Variants in MAPRE2 observed in about 807,000 individuals in gnomAD.
MAPRE2 encodes the protein microtubule-associated protein RP/EB family member 2.
Under a neutral mutation model 43.2 loss-of-function variants are expected in MAPRE2, and 13 were observed. The observed-to-expected ratio is 0.30, with a 90% CI of 0.20 to 0.48. The LOEUF is 0.48. Among genes scored for constraint, MAPRE2 ranks in the 20% least tolerant of loss-of-function variants. The pLI is 0.99. For missense variants in MAPRE2, 161 were observed against 400.2 expected, an observed-to-expected ratio of 0.40 and a Z score of 5.10; for synonymous variants, 135 against 148.8, an observed-to-expected ratio of 0.91 and a Z score of 0.68.
intron 1 of MAPRE2, 52 bp downstream of exon 1, chr18:35,041,713 GA>G: frequency 6.2e-7 from 1 of 1,613,124 alleles, no homozygotes; most frequent in Non-Finnish European, 8.5e-7. Context: ...AGGGCGCGCG[GA>G]AATCCAGCCC....
chr18:35,042,423 G>C (rs1905415420), intron 1 of MAPRE2, among the ~76,000 whole-genome samples: 1 of 152,164 alleles, frequency 6.6e-6, no homozygotes, highest in Admixed American at 6.5e-5. Flanking sequence ...GACTGATCTT[G>C]GTCATTGTAT....
Position 35,131,103 on chromosome 18 carries a change from C to G in MAPRE2, c.751-929C>G, listed in dbSNP as rs140091760. Among the ~76,000 whole-genome samples the G allele has an allele frequency of 2.2e-3, 339 of 152,344 alleles. 1 individual carries two copies. Among genetic ancestry groups the G allele is most frequent in the Non-Finnish European group, 3.5e-3 (235 of 68,028 alleles). On this transcript the variant is annotated intron_variant, in intron 5 of 6. Coordinates refer to ENST00000300249, the MANE Select transcript of MAPRE2 (RefSeq NM_014268.4). ...ATTGAGACAGATCCACTCAGCCAGG[C>G]TTTGGGTCTTACCCAGTTTTCCTCG...
At chr18:35,047,409 G>A (rs1028671486) in intron 1 of MAPRE2, among the ~76,000 whole-genome samples, 1 of 151,960 alleles carries the variant, frequency 6.6e-6, no homozygotes, top group Non-Finnish European at 1.5e-5. Context: ...CATCCCATTG[G>A]TATCATACAA....
At chr18:35,136,376 G>A (rs977732714) in intron 6 of MAPRE2, among the ~76,000 whole-genome samples, 20 of 152,170 alleles carry the variant, frequency 1.3e-4, no homozygotes, top group African/African-American at 4.8e-4. Context: ...TATAGAAAAA[G>A]ACCCAACCCT....
chr18:34,985,513 A>ATATATTG (rs1349429203), intron 1 of MAPRE2, among the ~76,000 whole-genome samples: 1,028 of 62,550 alleles, frequency 0.016, 117 homozygotes, highest in African/African-American at 0.07. Context: ...TATATAATAT[A>ATATATTG]TATATTATAT....
At chr18:35,103,633 T>C (rs192370176) in intron 4 of MAPRE2, among the ~76,000 whole-genome samples, 1 of 152,242 alleles carries the variant, frequency 6.6e-6, no homozygotes, top group East Asian at 1.9e-4. Context: ...AAATACTGAA[T>C]GATAAAGGGT....
chr18:35,000,337 G>A (rs1182939924), intron 1 of MAPRE2, among the ~76,000 whole-genome samples: 1 of 152,210 alleles, frequency 6.6e-6, no homozygotes, highest in African/African-American at 2.4e-5. Flanking sequence ...TAAACACATA[G>A]CAATGAAGAA....
chr18:35,076,935 T>C (rs1907385349), intron 2 of MAPRE2, among the ~76,000 whole-genome samples: 3 of 152,168 alleles, frequency 2.0e-5, no homozygotes, highest in African/African-American at 7.2e-5. Context: ...GACCTACAGA[T>C]ATATCCCTAC....
chr18:35,020,119 G>T (rs991163460), intron 2 of MAPRE2, among the ~76,000 whole-genome samples: 1 of 152,070 alleles, frequency 6.6e-6, no homozygotes, highest in African/African-American at 2.4e-5. Flanking sequence ...GTTTGTCTCT[G>T]TTCTAAAATT....
chr18:35,015,460 G>A (rs1182856736), intron 2 of MAPRE2, among the ~76,000 whole-genome samples: 4 of 152,102 alleles, frequency 2.6e-5, no homozygotes, highest in Non-Finnish European at 5.9e-5. Context: ...AATTGTTTCA[G>A]AGAGGTTACT....
intron 1 of MAPRE2, among the ~76,000 whole-genome samples, chr18:34,996,107 GCT>G (rs2097026378): frequency 1.3e-5 from 2 of 152,106 alleles, no homozygotes; most frequent in Admixed American, 1.3e-4. Flanking sequence ...AACTCTATAT[GCT>G]CCCCAAGAAA....
At chr18:35,056,619 G>A (rs1906246500) in intron 1 of MAPRE2, among the ~76,000 whole-genome samples, 2 of 151,274 alleles carry the variant, frequency 1.3e-5, no homozygotes, top group African/African-American at 4.9e-5. Context: ...TTTAACACAT[G>A]TATCTACTCT....
At chr18:35,018,283 G>C (rs949614818) in intron 2 of MAPRE2, among the ~76,000 whole-genome samples, 2 of 151,806 alleles carry the variant, frequency 1.3e-5, no homozygotes, top group Non-Finnish European at 2.9e-5. Context: ...TTTTTGTTGT[G>C]TCTTTGCCAG....
At chr18:35,070,159 T>C in intron 1 of MAPRE2, 36 bp from the exon 2 acceptor site, 1 of 1,558,168 alleles carries the variant, frequency 6.4e-7, no homozygotes, top group East Asian at 2.3e-5. Context: ...CTGAGTTAAT[T>C]TCCTTGTTGT....
intron 1 of MAPRE2, among the ~76,000 whole-genome samples, chr18:34,989,999 T>G (rs761317094): frequency 6.6e-6 from 1 of 152,186 alleles, no homozygotes; most frequent in Non-Finnish European, 1.5e-5. Flanking sequence ...TGGCAATCCA[T>G]TGAAGATTGC....
chr18:35,091,109 A>G (rs1005222301), intron 2 of MAPRE2, among the ~76,000 whole-genome samples: 1 of 152,230 alleles, frequency 6.6e-6, no homozygotes, highest in Non-Finnish European at 1.5e-5. Context: ...GATTGGAAAA[A>G]TCAATATTGT....
intron 1 of MAPRE2, among the ~76,000 whole-genome samples, chr18:35,061,853 A>G (rs1906548301): frequency 6.6e-6 from 1 of 152,188 alleles, no homozygotes; most frequent in African/African-American, 2.4e-5. Flanking sequence ...TGTGCCCCAC[A>G]TTGCAGGTCA....
intron 2 of MAPRE2, among the ~76,000 whole-genome samples, chr18:35,033,626 C>T (rs577615197): frequency 1.3e-5 from 2 of 149,648 alleles, no homozygotes; most frequent in East Asian, 2.0e-4. Context: ...ATTGTCTCAG[C>T]CCAAAATCTC....
chr18:35,111,777 G>A lies in MAPRE2; in HGVS notation c.610+9618G>A, dbSNP rs553737225. Among the ~76,000 whole-genome samples, 5 of 152,258 alleles carry A rather than the reference G, an allele frequency of 3.3e-5. No homozygotes were observed. The East Asian group carries it at 9.6e-4, about 29-fold the overall frequency. The stretch of plus-strand genomic sequence containing the variant: ...CTCCTTAATTTAACCACAAATGTTG[G>A]TCTTTCCCTAAAGCCATTATTTGCT... On this transcript the variant is annotated intron_variant, in intron 4 of 6. Transcript: ENST00000300249.
Sources: gnomAD v4.1 joint callset for allele counts (sites outside exome capture counted in the v4.1 genomes callset) on GRCh38, gnomAD v4.1.1 for gene constraint, MANE v1.5 for transcripts, NCBI Gene and HGNC (gene_info 2026-07-23, HGNC 2026-07-21) for gene names.